The following WFDC1 variants were observed in gnomAD, a reference collection of about 807,000 sequenced individuals.
WFDC1 encodes WAP four-disulfide core domain protein 1.
In WFDC1, 39 loss-of-function variants were observed where a neutral mutation model predicts 32.9. That is an observed-to-expected ratio of 1.19 (90% CI 0.92 to 1.55). WFDC1 has a LOEUF of 1.55. WFDC1 is among the 40% of genes most tolerant of loss of function. The probability of loss-of-function intolerance (pLI) is 0.00; values close to 1 mark genes in which losing one functional copy is unlikely to be tolerated. For synonymous variants in WFDC1, 184 were observed against 137.4 expected (o/e 1.34, Z -2.37); for missense variants, 386 against 309.5 (o/e 1.25, Z -1.85).
At chr16:84,304,057 C>T (rs1211270138) in intron 1 of WFDC1, among the ~76,000 whole-genome samples, 1 of 152,204 alleles carries the variant, frequency 6.6e-6, no homozygotes, top group East Asian at 1.9e-4. Context: ...TCTGTGCCTT[C>T]ACTTATGTAT....
intron 4 of WFDC1, among the ~76,000 whole-genome samples, chr16:84,324,114 C>T (rs1298078660): frequency 3.5e-5 from 3 of 85,362 alleles, no homozygotes; most frequent in Admixed American, 2.8e-4. Context: ...AGTGAGACTT[C>T]GTCTAAAAGA....
chr16:84,298,654 G>A (rs966417452), intron 1 of WFDC1, among the ~76,000 whole-genome samples: 2 of 152,198 alleles, frequency 1.3e-5, no homozygotes, highest in Non-Finnish European at 2.9e-5. Context: ...CAAGCGCAGG[G>A]CTGCCTGTAG....
intron 4 of WFDC1, among the ~76,000 whole-genome samples, chr16:84,323,362 G>C (rs1412430123): frequency 7.9e-5 from 12 of 152,228 alleles, no homozygotes; most frequent in Non-Finnish European, 4.4e-5. Flanking sequence ...CCAGGATGGA[G>C]AAGTGAGCTA....
rs1421053744 is a variant in WFDC1 at position 84,299,373 on chromosome 16, A to G, written c.144+4258A>G. Among the ~76,000 whole-genome samples the G allele has an allele frequency of 2.6e-5, 4 of 152,046 alleles. No individual in the cohort carries two copies. In the East Asian group the frequency reaches 5.8e-4, roughly 22 times the overall value. ...AGAGCGCAACTCCATCTCAAAAAAC[A>G]AAAAACAAAAAGCAAAAAAAAAAAA... On this transcript the variant is annotated intron_variant, in intron 1 of 6. Coordinates refer to ENST00000219454, the MANE Select transcript of WFDC1 (RefSeq NM_021197.4).
intron 4 of WFDC1, among the ~76,000 whole-genome samples, chr16:84,320,753 C>T (rs1163273118): frequency 2.6e-5 from 4 of 152,314 alleles, no homozygotes; most frequent in African/African-American, 9.6e-5. Context: ...GTCCCCGCTT[C>T]GGCATCTCAT....
At chr16:84,295,168 C>G in intron 1 of WFDC1, 53 bp downstream of exon 1, 1 of 1,597,032 alleles carries the variant, frequency 6.3e-7, no homozygotes, top group Non-Finnish European at 8.5e-7. Context: ...GGGAGTCAGC[C>G]TTGAGGAGAG....
intron 1 of WFDC1, chr16:84,295,446 G>T: frequency 4.1e-6 from 2 of 484,216 alleles, no homozygotes; most frequent in South Asian, 4.3e-5. Flanking sequence ...GGAGCATTCC[G>T]TCTCCCTGAT....
Position 84,307,918 on chromosome 16 carries a change from C to T in WFDC1, c.145-5043C>T, listed in dbSNP as rs144708860. Among the ~76,000 whole-genome samples the T allele has an allele frequency of 3.9e-3, 599 of 152,108 alleles. 4 individuals are homozygous for T. The highest frequency in any genetic ancestry group is 0.014 in the African/African-American group (563 of 41,458). On this transcript the variant is annotated intron_variant, in intron 1 of 6. Transcript: ENST00000219454. ...GGTTACAGGGGTGAGGGAGATTGGG[C>T]GGAGAAAGGGGTGATAAAAGGTGAT...
intron 2 of WFDC1, among the ~76,000 whole-genome samples, chr16:84,314,105 C>T (rs573201916): frequency 6.6e-6 from 1 of 151,982 alleles, no homozygotes; most frequent in Admixed American, 6.6e-5. Flanking sequence ...ACCTGCCACT[C>T]CAAAGTGCTC....
chr16:84,300,271 G>A (rs887655373), intron 1 of WFDC1, among the ~76,000 whole-genome samples: 1 of 152,256 alleles, frequency 6.6e-6, no homozygotes, highest in Non-Finnish European at 1.5e-5. Flanking sequence ...AAATGGAGCT[G>A]GAGCCCGATG....
intron 1 of WFDC1, among the ~76,000 whole-genome samples, chr16:84,308,765 G>T (rs1182755316): frequency 6.6e-6 from 1 of 151,848 alleles, no homozygotes; most frequent in African/African-American, 2.4e-5. Flanking sequence ...GTAGATGCCA[G>T]CCTGGGTGTA....
intron 1 of WFDC1, among the ~76,000 whole-genome samples, chr16:84,300,240 G>T (rs1470986800): frequency 6.6e-6 from 1 of 152,244 alleles, no homozygotes; most frequent in Non-Finnish European, 1.5e-5. Flanking sequence ...AAGGTGCCGG[G>T]GAGGTAACAC....
At chr16:84,313,285 A>G (rs926598311) in intron 2 of WFDC1, 132 bp downstream of exon 2, 5 of 781,004 alleles carry the variant, frequency 6.4e-6, no homozygotes, top group African/African-American at 1.8e-5. Flanking sequence ...TCCACTGCGC[A>G]CCTGTGAACT....
chr16:84,296,308 G>A (rs1345950830), intron 1 of WFDC1, among the ~76,000 whole-genome samples: 1 of 152,254 alleles, frequency 6.6e-6, no homozygotes. Flanking sequence ...AGGGTAGCAT[G>A]TAGGTTCCTT....
intron 1 of WFDC1, among the ~76,000 whole-genome samples, chr16:84,300,285 C>T (rs780296363): frequency 6.6e-6 from 1 of 152,256 alleles, no homozygotes; most frequent in Non-Finnish European, 1.5e-5. Context: ...CCCGATGGCC[C>T]AGCTGGCTTC....
At chr16:84,313,375 A>G (rs1907763240) in intron 2 of WFDC1, among the ~76,000 whole-genome samples, 1 of 152,162 alleles carries the variant, frequency 6.6e-6, no homozygotes, top group Non-Finnish European at 1.5e-5. Context: ...CTTGCGTTGT[A>G]GGAGATGCCC....
Position 84,313,044 on chromosome 16 carries a change from C to T in WFDC1, c.228C>T (p.Gly76=). 1 of 1,372,550 alleles carries T rather than the reference C, an allele frequency of 7.3e-7. No homozygotes were observed. The highest frequency in any genetic ancestry group is 9.4e-7 in the Non-Finnish European group (1 of 1,064,480). The allele number at this position is 1,372,550 out of a possible 1,614,324, so 85.0% of individuals were successfully genotyped here. A position where few individuals can be genotyped will look rare whatever the true frequency, so the allele number is the denominator to read the frequency against. Residue 76 remains glycine (G), a synonymous_variant, in exon 2 of 7, where the codon GGC becomes GGT. Coordinates refer to ENST00000219454, the MANE Select transcript of WFDC1 (RefSeq NM_021197.4). ...CGCCTCCGCGGACGCTGCCCCCCGG[C>T]GCCTGCCAGGCCGCGCGCTGTCAGG... The part of the protein sequence containing the change: ...CPPPPRTLPP[G]ACQAARCQAD...
intron 1 of WFDC1, among the ~76,000 whole-genome samples, chr16:84,302,059 G>T (rs1217631567): frequency 6.6e-6 from 1 of 152,190 alleles, no homozygotes; most frequent in Non-Finnish European, 1.5e-5. Flanking sequence ...TACGGAGCCT[G>T]GACACACGCC....
At chr16:84,306,769 T>A (rs72802665) in intron 1 of WFDC1, among the ~76,000 whole-genome samples, 5 of 151,376 alleles carry the variant, frequency 3.3e-5, no homozygotes, top group East Asian at 3.9e-4. Context: ...CATCCTCATC[T>A]TCATCATCAT....
Sources: gnomAD v4.1 joint callset for allele counts (sites outside exome capture counted in the v4.1 genomes callset) on GRCh38, gnomAD v4.1.1 for gene constraint, MANE v1.5 for transcripts, NCBI Gene and HGNC (gene_info 2026-07-23, HGNC 2026-07-21) for gene names.